The following KCNB2 variants were observed in gnomAD, a reference collection of about 807,000 sequenced individuals.
KCNB2 encodes delayed rectifier potassium channel protein.
In KCNB2, 15 loss-of-function variants were observed where a neutral mutation model predicts 61.5. The observed-to-expected ratio is 0.24, with a 90% CI of 0.16 to 0.38. KCNB2 has a LOEUF of 0.38. Ranked by LOEUF, KCNB2 falls within the 10% of genes least tolerant of loss-of-function variation. The probability of loss-of-function intolerance (pLI) is 1.00; values close to 1 mark genes in which losing one functional copy is unlikely to be tolerated. For missense variants in KCNB2, 828 were observed against 1,125.2 expected (o/e 0.74, Z 3.78); for synonymous variants, 457 against 446.0 (o/e 1.02, Z -0.31).
chr8:72,873,078 C>A (rs538305986), intron 2 of KCNB2, among the ~76,000 whole-genome samples: 47 of 152,310 alleles, frequency 3.1e-4, no homozygotes, highest in African/African-American at 1.0e-3. Context: ...AGTACAAAGT[C>A]AGGTTCTTCT....
At chr8:72,739,712 C>T (rs999728063) in intron 2 of KCNB2, among the ~76,000 whole-genome samples, 6 of 151,962 alleles carry the variant, frequency 3.9e-5, no homozygotes, top group Admixed American at 1.3e-4. Flanking sequence ...AAAAGGATTC[C>T]CTAAAACATG....
At chr8:72,891,141 A>T (rs539584138) in intron 2 of KCNB2, among the ~76,000 whole-genome samples, 5 of 152,232 alleles carry the variant, frequency 3.3e-5, no homozygotes, top group Admixed American at 6.5e-5. Context: ...GAGATGGAAC[A>T]CCAGTTTTGT....
At chr8:72,697,546 A>G (rs1807037377) in intron 2 of KCNB2, among the ~76,000 whole-genome samples, 1 of 152,092 alleles carries the variant, frequency 6.6e-6, no homozygotes, top group Non-Finnish European at 1.5e-5. Flanking sequence ...GGCTGAAGCA[A>G]TAGGATAGCT....
chr8:72,802,318 C>G (rs1407075526), intron 2 of KCNB2, among the ~76,000 whole-genome samples: 4 of 152,124 alleles, frequency 2.6e-5, no homozygotes, highest in Non-Finnish European at 5.9e-5. Flanking sequence ...AGTTACCATC[C>G]ATATAGTCAC....
intron 2 of KCNB2, among the ~76,000 whole-genome samples, chr8:72,908,570 A>T (rs944352634): frequency 6.6e-6 from 1 of 152,364 alleles, no homozygotes; most frequent in Non-Finnish European, 1.5e-5. Context: ...GAAAAGAAGC[A>T]TAGCTGGGCA....
At chr8:72,784,755 TGA>T (rs1445592621) in intron 2 of KCNB2, among the ~76,000 whole-genome samples, 1 of 152,154 alleles carries the variant, frequency 6.6e-6, no homozygotes, top group Non-Finnish European at 1.5e-5. Context: ...CAATTCAATA[TGA>T]GATTTTGGGT....
chr8:72,683,688 A>G (rs543323703), intron 2 of KCNB2, among the ~76,000 whole-genome samples: 6 of 152,196 alleles, frequency 3.9e-5, no homozygotes, highest in African/African-American at 4.8e-5. Context: ...TTCTGCTAGT[A>G]AAAGAAAAGA....
At chr8:72,851,840 A>AAAAAAAAAAAAAAAAAAAACAAAAC (rs1554538995) in intron 2 of KCNB2, among the ~76,000 whole-genome samples, 7 of 134,460 alleles carry the variant, frequency 5.2e-5, no homozygotes, top group South Asian at 2.4e-4. Context: ...AAAAAAAAAA[A>AAAAAAAAAAAAAAAAAAAACAAAAC]AAAAAAAACA....
intron 2 of KCNB2, among the ~76,000 whole-genome samples, chr8:72,589,064 A>G (rs543828815): frequency 6.6e-6 from 1 of 152,254 alleles, no homozygotes; most frequent in East Asian, 1.9e-4. Context: ...TTGGAGGAAA[A>G]CATACCAACA....
chr8:72,761,718 G>A (rs1808384564), intron 2 of KCNB2, among the ~76,000 whole-genome samples: 1 of 152,140 alleles, frequency 6.6e-6, no homozygotes, highest in African/African-American at 2.4e-5. Flanking sequence ...GATTTTCTCT[G>A]CAGCAAATGA....
intron 2 of KCNB2, among the ~76,000 whole-genome samples, chr8:72,671,996 A>G (rs1264042717): frequency 2.0e-5 from 3 of 152,168 alleles, no homozygotes; most frequent in Non-Finnish European, 4.4e-5. Context: ...GGGCTAAATA[A>G]ATGGATATTG....
chr8:72,862,801 A>G (rs1246653547), intron 2 of KCNB2, among the ~76,000 whole-genome samples: 1 of 152,168 alleles, frequency 6.6e-6, no homozygotes, highest in Non-Finnish European at 1.5e-5. Flanking sequence ...CTGTCTAGGT[A>G]GAAACACTAA....
rs115138662 is a variant in KCNB2 at position 72,882,091 on chromosome 8, A to G, written c.580-53844A>G. 2.2e-3 allele frequency among the ~76,000 whole-genome samples: 339 copies of G among 152,246 alleles called. 1 individual carries two copies. Among genetic ancestry groups the G allele is most frequent in the African/African-American group, 7.7e-3 (322 of 41,552 alleles). The stretch of plus-strand genomic sequence containing the variant: ...ATCTTCTCTCCTTAGCAGGAAAAAA[A>G]AAAATGTACTGAAGTGATCAGGTGT... On this transcript the variant is annotated intron_variant, in intron 2 of 2. Transcript: ENST00000523207.
In KCNB2 at chr8:72,745,498, T is replaced by C. The variant is rs567807735; in HGVS notation, c.579+177185T>C. On this transcript the variant is annotated intron_variant, in intron 2 of 2. Coordinates refer to ENST00000523207, the MANE Select transcript of KCNB2 (RefSeq NM_004770.3). ...ATTGGAAGCACTGTGTTTGTGATTA[T>C]AGTCTTACTGAAAAAAATACAAATT... Among the ~76,000 whole-genome samples, 6 of 152,294 alleles carry C rather than the reference T, an allele frequency of 3.9e-5. No homozygotes were observed. The South Asian group carries it at 1.2e-3, about 32-fold the overall frequency.
intron 2 of KCNB2, among the ~76,000 whole-genome samples, chr8:72,723,093 T>C (rs1217705710): frequency 6.6e-6 from 1 of 152,222 alleles, no homozygotes; most frequent in Non-Finnish European, 1.5e-5. Flanking sequence ...GACTGAGAAG[T>C]ATTTGATTTG....
At chr8:72,689,570 C>T (rs1806908806) in intron 2 of KCNB2, among the ~76,000 whole-genome samples, 1 of 152,150 alleles carries the variant, frequency 6.6e-6, no homozygotes, top group Admixed American at 6.5e-5. Flanking sequence ...GTTCCCACTC[C>T]CAGCCCCAGG....
chr8:72,572,259 T>A (rs1395356881), intron 2 of KCNB2, among the ~76,000 whole-genome samples: 4 of 152,100 alleles, frequency 2.6e-5, no homozygotes, highest in Non-Finnish European at 5.9e-5. Context: ...AGAGCATAAG[T>A]GGATGTGTGT....
At chr8:72,769,176 A>T (rs1401630680) in intron 2 of KCNB2, among the ~76,000 whole-genome samples, 1 of 150,978 alleles carries the variant, frequency 6.6e-6, no homozygotes, top group East Asian at 1.9e-4. Flanking sequence ...AAGAGAAAGA[A>T]AAAAAAGAAA....
At chr8:72,852,607 A>G (rs1312028937) in intron 2 of KCNB2, among the ~76,000 whole-genome samples, 2 of 152,242 alleles carry the variant, frequency 1.3e-5, no homozygotes, top group Non-Finnish European at 1.5e-5. Flanking sequence ...ATAATCTACA[A>G]CTGAATACGT....
Sources: gnomAD v4.1 joint callset for allele counts (sites outside exome capture counted in the v4.1 genomes callset) on GRCh38, gnomAD v4.1.1 for gene constraint, MANE v1.5 for transcripts, NCBI Gene and HGNC (gene_info 2026-07-23, HGNC 2026-07-21) for gene names.